The following DHX40 variants were observed in gnomAD, a reference collection of about 807,000 sequenced individuals.
DHX40 encodes DEAH-box helicase 40.
Under a neutral mutation model 89.6 loss-of-function variants are expected in DHX40, and 28 were observed. The observed-to-expected ratio is 0.31, with a 90% CI of 0.23 to 0.43. The LOEUF (loss-of-function observed/expected upper bound fraction) is 0.43. DHX40 is among the 20% of genes least tolerant of loss of function. The pLI is 1.00. For missense variants in DHX40, 457 were observed against 844.0 expected (o/e 0.54, Z 5.68); for synonymous variants, 226 against 283.6 (o/e 0.80, Z 2.04).
Position 59,588,217 on chromosome 17 carries a change from A to G in DHX40, c.1582+164A>G, listed in dbSNP as rs928404334. ...ACCAACATGGTAAAACCCCATCTCT[A>G]CTAAAAAAAAAAAAAAAAAAAAAAC... is the stretch of plus-strand genomic sequence containing the variant. On this transcript the variant is annotated intron_variant, in intron 12 of 17. Transcript: ENST00000251241. 7.7e-5 allele frequency among the ~76,000 whole-genome samples: 11 copies of G among 142,368 alleles called. No individual in the cohort carries two copies. The East Asian group carries it at 2.2e-3, about 28-fold the overall frequency. 93.4% of individuals were successfully genotyped at this position (142,368 alleles called of 152,430 possible). A position where few individuals can be genotyped will look rare whatever the true frequency, so the allele number is the denominator to read the frequency against.
intron 3 of DHX40, among the ~76,000 whole-genome samples, chr17:59,572,882 T>C (rs949568766): frequency 3.3e-5 from 5 of 152,252 alleles, no homozygotes; most frequent in Admixed American, 2.6e-4. Context: ...ATTTCCTTAT[T>C]GGTGATTTTT....
In DHX40 at chr17:59,607,222, GCTT is replaced by G; in HGVS notation, c.*53_*55del. 6.2e-7 allele frequency: 1 copy of G among 1,614,178 alleles called. No individual in the cohort carries two copies. The highest frequency in any genetic ancestry group is 2.2e-5 in the East Asian group (1 of 44,880). On this transcript the variant is annotated 3_prime_UTR_variant, in exon 18 of 18. Coordinates refer to ENST00000251241, the MANE Select transcript of DHX40 (RefSeq NM_024612.5). ...AGTGGGAAAAGGAGCCAGGAAATGTGCTTCTACTTTGCCAGTTATTTCAGACAG... is the reference window on the plus strand; with the variant it reads ...AGTGGGAAAAGGAGCCAGGAAATGTGCTACTTTGCCAGTTATTTCAGACAG...
intron 2 of DHX40, among the ~76,000 whole-genome samples, chr17:59,570,152 TA>T (rs2048777808): frequency 7.7e-6 from 1 of 129,144 alleles, no homozygotes; most frequent in Non-Finnish European, 1.6e-5. Flanking sequence ...ATAAATTATA[TA>T]ATACATATAA....
intron 15 of DHX40, chr17:59,604,182 T>C (rs1303012820): frequency 6.6e-6 from 1 of 152,206 alleles, no homozygotes; most frequent in Non-Finnish European, 1.5e-5. Context: ...TATAGTCATG[T>C]CGGAGAATGT....
At position 59,588,000 on chromosome 17, in the gene DHX40, T is replaced by A; in HGVS notation, c.1529T>A (p.Leu510Gln). 1.2e-6 allele frequency: 2 copies of A among 1,613,786 alleles called. No homozygotes were observed. Among genetic ancestry groups the A allele is most frequent in the East Asian group, 4.5e-5 (2 of 44,874 alleles). The change falls in exon 12 of 18, where the codon CTA (leucine) becomes CAA (glutamine). Residue 510 changes from leucine to glutamine, a missense_variant. Physicochemically the swap from Leu to Gln is moderately radical, Grantham distance 113 (BLOSUM62 -2). This residue lies in a region of DHX40 where 19 missense variants were observed against 24.2 expected (regional missense o/e 0.78). Coordinates refer to ENST00000251241, the MANE Select transcript of DHX40 (RefSeq NM_024612.5). ...GCTGCTTCCCTGGATTGTGAAGATCTACTACTTCCAATAGCAGCAATGTTG... is the reference window on the plus strand; with the variant it reads ...GCTGCTTCCCTGGATTGTGAAGATCAACTACTTCCAATAGCAGCAATGTTG... ...IKAASLDCED[L>Q]LLPIAAMLSV... is the part of the protein sequence containing the mutation.
intron 12 of DHX40, among the ~76,000 whole-genome samples, chr17:59,595,146 C>A (rs1483254052): frequency 1.3e-5 from 2 of 151,736 alleles, no homozygotes; most frequent in African/African-American, 4.8e-5. Flanking sequence ...TGCAGTGGCA[C>A]AATCTCAACT....
chr17:59,606,773 C>T, intron 17 of DHX40, among the ~76,000 whole-genome samples: 1 of 150,986 alleles, frequency 6.6e-6, no homozygotes, highest in Non-Finnish European at 1.5e-5. Context: ...GAAAAGAAAT[C>T]TTAGCCACTA....
intron 13 of DHX40, among the ~76,000 whole-genome samples, chr17:59,599,052 T>G (rs1400697213): frequency 6.6e-6 from 1 of 152,242 alleles, no homozygotes; most frequent in Non-Finnish European, 1.5e-5. Flanking sequence ...TCTTCTTTTC[T>G]CCTCAAACCT....
At chr17:59,576,689 T>C (rs1226992767) in intron 7 of DHX40, among the ~76,000 whole-genome samples, 4 of 152,222 alleles carry the variant, frequency 2.6e-5, no homozygotes, top group Non-Finnish European at 5.9e-5. Flanking sequence ...TCTCAAGATT[T>C]GGTTCACCGA....
intron 2 of DHX40, among the ~76,000 whole-genome samples, chr17:59,570,280 A>G (rs1261768816): frequency 7.6e-6 from 1 of 131,462 alleles, no homozygotes; most frequent in African/African-American, 2.9e-5. Context: ...AACTGGATTT[A>G]TATTATATAT....
chr17:59,570,092 T>C (rs984103890), intron 2 of DHX40, among the ~76,000 whole-genome samples: 3 of 129,462 alleles, frequency 2.3e-5, no homozygotes, highest in Non-Finnish European at 4.8e-5. Flanking sequence ...ATATATAATA[T>C]ATAGTATATA....
chr17:59,606,917 C>T lies in DHX40; in HGVS notation c.2201-116C>T, dbSNP rs1382769551. On this transcript the variant is annotated intron_variant, in intron 17 of 17. Coordinates refer to ENST00000251241, the MANE Select transcript of DHX40 (RefSeq NM_024612.5). The stretch of plus-strand genomic sequence containing the variant: ...TTTGAAAGGGCAAAATTTAATTTTT[C>T]TCTTTATTGTTTTTACTTTGTTAAC... 8 of 1,037,478 alleles carry T rather than the reference C, an allele frequency of 7.7e-6. No homozygotes were observed. In the East Asian group the frequency reaches 2.0e-4, roughly 27 times the overall value. The allele number at this position is 1,037,478 out of a possible 1,614,324, so 64.3% of individuals were successfully genotyped here.
intron 6 of DHX40, among the ~76,000 whole-genome samples, chr17:59,575,001 C>T (rs2048861101): frequency 6.6e-6 from 1 of 152,218 alleles, no homozygotes; most frequent in African/African-American, 2.4e-5. Flanking sequence ...TTGGAGATTA[C>T]TTAAGTATTT....
At chr17:59,597,519 A>C (rs1443732689) in intron 12 of DHX40, among the ~76,000 whole-genome samples, 1 of 151,578 alleles carries the variant, frequency 6.6e-6, no homozygotes, top group African/African-American at 2.4e-5. Context: ...AACTGGTTAA[A>C]TTGTGTTATG....
At chr17:59,582,188 G>T in intron 10 of DHX40, among the ~76,000 whole-genome samples, 1 of 115,782 alleles carries the variant, frequency 8.6e-6, no homozygotes, top group Non-Finnish European at 1.7e-5. Flanking sequence ...TAGAAAAATA[G>T]GAACAATAAT....
chr17:59,590,818 G>T (rs544258569), intron 12 of DHX40, among the ~76,000 whole-genome samples: 38 of 151,734 alleles, frequency 2.5e-4, no homozygotes, highest in Non-Finnish European at 4.4e-4. Context: ...ACCCCTAATT[G>T]CAATTTTTTG....
At chr17:59,569,179 T>G (rs1179505651) in intron 2 of DHX40, among the ~76,000 whole-genome samples, 10 of 151,982 alleles carry the variant, frequency 6.6e-5, no homozygotes, top group African/African-American at 2.4e-4. Context: ...AAATACAAAA[T>G]TAGCTGGGTG....
At chr17:59,570,128 A>T (rs1037812522) in intron 2 of DHX40, among the ~76,000 whole-genome samples, 8 of 129,878 alleles carry the variant, frequency 6.2e-5, no homozygotes, top group African/African-American at 2.1e-4. Flanking sequence ...ATGTATATTT[A>T]TATATAATAT....
intron 2 of DHX40, 122 bp from the exon 3 acceptor site, chr17:59,570,395 AT>A (rs1292800783): frequency 6.9e-6 from 6 of 875,850 alleles, no homozygotes; most frequent in Non-Finnish European, 8.0e-6. Context: ...TGTGTTTTTA[AT>A]TTGCGAGATA....
Sources: allele counts gnomAD v4.1 joint callset (sites outside exome capture counted in the v4.1 genomes callset), GRCh38; gene constraint gnomAD v4.1.1; regional missense constraint gnomAD v4.1.1; transcripts MANE v1.5; gene names NCBI Gene and HGNC (gene_info 2026-07-23, HGNC 2026-07-21).